TNXB: variants seen among roughly 807,000 people sequenced by gnomAD.
The protein encoded by TNXB is tenascin XB.
In TNXB, 183 loss-of-function variants were observed where a neutral mutation model predicts 340.5. The observed-to-expected ratio is 0.54, with a 90% CI of 0.48 to 0.61. The LOEUF is 0.61. TNXB is among the 20% of genes least tolerant of loss of function. TNXB has a pLI of 0.00. For missense variants in TNXB, 4,613 were observed against 5,446.4 expected (o/e 0.85, Z 4.82); for synonymous variants, 2,121 against 2,314.5 (o/e 0.92, Z 2.40).
intron 29 of TNXB, 109 bp downstream of exon 29, chr6:32,048,254 A>C: frequency 7.9e-7 from 1 of 1,262,268 alleles, no homozygotes; most frequent in South Asian, 1.7e-5. Context: ...GGACCCAATA[A>C]ATCAGTGGGT....
chr6:32,053,255 G>C (rs1331407705), intron 25 of TNXB, 133 bp downstream of exon 25: 1 of 1,395,886 alleles, frequency 7.2e-7, no homozygotes, highest in African/African-American at 1.4e-5. Context: ...CAGTCCTCAG[G>C]GAAGTGGGGA....
Position 32,074,757 on chromosome 6 carries a change from C to G in TNXB, c.4376-805G>C, listed in dbSNP as rs867344549. Among the ~76,000 whole-genome samples the G allele has an allele frequency of 6.6e-6, 1 of 152,004 alleles. No homozygotes were observed. The highest frequency in any genetic ancestry group is 1.9e-4 in the East Asian group (1 of 5,176). On this transcript the variant is annotated intron_variant, in intron 11 of 43. Transcript: ENST00000644971. This position sits in a 1 kb window ranked among gnomAD's most constrained non-coding sequence, Gnocchi z 5.5. Reference sequence around the variant, plus strand: ...GTGCGATGGCGCCCTCTCGGCTCACCGCAACCTACGCCTCCTGGGTTCAAG... The same window carrying G: ...GTGCGATGGCGCCCTCTCGGCTCACGGCAACCTACGCCTCCTGGGTTCAAG...
At position 32,098,018 on chromosome 6, in the gene TNXB, C is replaced by T. The variant is rs747748846; in HGVS notation, c.181G>A (p.Glu61Lys). The T allele has an allele frequency of 1.0e-5, 16 of 1,607,220 alleles. No homozygotes were observed. The highest frequency in any genetic ancestry group is 9.3e-5 in the African/African-American group (7 of 74,920). The change falls in exon 2 of 44, where the codon GAG becomes AAG. Residue 61 changes from glutamate (E) to lysine (K), a missense_variant. Around this residue, in one of 7 missense-constraint regions of TNXB, gnomAD observed 4,327 missense variants for 4,859.4 expected, o/e 0.89. Transcript: ENST00000644971. ...TTCTCCCCTCCTTCCACTGTGTGCT[C>T]GTAAAGCTGAGAAGAGGGGCTTCCC... ...GVGSPSSQLY[E>K]HTVEGGEKQV...
rs748926764 is a variant in TNXB, at chr6:32,095,884, G to A, written c.1969C>T (p.Arg657Trp). 9.9e-6 allele frequency: 16 copies of A among 1,612,488 alleles called. No individual in the cohort carries two copies. Among genetic ancestry groups the A allele is most frequent in the African/African-American group, 4.0e-5 (3 of 74,880 alleles). ...CCTTGCACACACCGCCCACGTCCCC[G>A]GCAGTCAGCCGGGCACATGCGGGTG... Reference protein sequence around the residue: ...CATRMCPADCRGRGRCVQGVC... With the variant: ...CATRMCPADCWGRGRCVQGVC... Residue 657 changes from arginine (R) to tryptophan (W), a missense_variant, in exon 3 of 44, where the codon CGG (arginine) becomes TGG (tryptophan). Physicochemically the swap from Arg to Trp is moderately radical, Grantham distance 101. Transcript: ENST00000644971.
Position 32,047,691 on chromosome 6 carries a change from G to A in TNXB, c.10324+43C>T. 1.9e-6 allele frequency: 3 copies of A among 1,542,532 alleles called. No individual in the cohort carries two copies. The highest frequency in any genetic ancestry group is 2.6e-6 in the Non-Finnish European group (3 of 1,143,718). Reference sequence around the variant, plus strand: ...CAGGGCCAGCTCTGAGGGCTCGGATGAGAGGCAGCTCTGGAAAAGGTGGAG... The same window carrying A: ...CAGGGCCAGCTCTGAGGGCTCGGATAAGAGGCAGCTCTGGAAAAGGTGGAG... On this transcript the variant is annotated intron_variant, in intron 30 of 43. Transcript: ENST00000644971. The surrounding 1 kb of genome is among the most constrained non-coding windows in gnomAD (Gnocchi z 6.2).
chr6:32,081,942 T>C lies in TNXB; in HGVS notation c.3736+94A>G. The C allele has an allele frequency of 7.7e-7, 1 of 1,293,646 alleles. No individual in the cohort carries two copies. Among genetic ancestry groups the C allele is most frequent in the Non-Finnish European group, 1.1e-6 (1 of 942,456 alleles). The allele number at this position is 1,293,646 out of a possible 1,614,324, so 80.1% of individuals were successfully genotyped here. On this transcript the variant is annotated intron_variant, in intron 9 of 43. Coordinates refer to ENST00000644971, the MANE Select transcript of TNXB (RefSeq NM_001365276.2). The surrounding 1 kb of genome is among the most constrained non-coding windows in gnomAD (Gnocchi z 5.1). ...GGGGCCGGGAAGCTGGAGTCAGCTG[T>C]CTTGCTGGGGGACCCCAGCTGGTTT...
chr6:32,082,185 C>T lies in TNXB; in HGVS notation c.3587G>A (p.Arg1196Lys), dbSNP rs764681855. 6.2e-7 allele frequency: 1 copy of T among 1,612,710 alleles called. No homozygotes were observed. The highest frequency in any genetic ancestry group is 1.3e-5 in the African/African-American group (1 of 75,042). ...AGGTACCACCTGGGGCCGTCCATCC[C>T]TGTCCCTGTACTGGACCATGAAGGT... is the stretch of plus-strand genomic sequence containing the variant. The part of the protein sequence containing the change: ...FDTFMVQYRD[R>K]DGRPQVVPVE... The change falls in exon 9 of 44, where the codon AGG becomes AAG. Residue 1196 changes from arginine to lysine, a missense_variant. By Grantham distance (26) the Arg-to-Lys change is conservative (BLOSUM62 2). This residue lies in a region of TNXB where 4,327 missense variants were observed against 4,859.4 expected (regional missense o/e 0.89). Transcript: ENST00000644971. This position sits in a 1 kb window ranked among gnomAD's most constrained non-coding sequence, Gnocchi z 5.0.
intron 3 of TNXB, 153 bp downstream of exon 3, chr6:32,095,458 G>T: frequency 2.1e-6 from 2 of 968,444 alleles, no homozygotes; most frequent in Non-Finnish European, 1.5e-6. Context: ...CCACTGGAAA[G>T]CCCCACCCCT....
In TNXB at chr6:32,087,095, T is replaced by C. The variant is rs900153704; in HGVS notation, c.2780-977A>G. ...TCTTCTAGGGACAATGGACTCGTGC[T>C]TTGTCCTGGGGGCCCCCTGGAGCCC... On this transcript the variant is annotated intron_variant, in intron 6 of 43. Transcript: ENST00000644971. This position sits in a 1 kb window ranked among gnomAD's most constrained non-coding sequence, Gnocchi z 9.0. Among the ~76,000 whole-genome samples the C allele has an allele frequency of 6.6e-6, 1 of 152,198 alleles. No individual in the cohort carries two copies. The highest frequency in any genetic ancestry group is 2.4e-5 in the African/African-American group (1 of 41,444).
Position 32,097,686 on chromosome 6 carries a change from C to G in TNXB, c.403+110G>C, listed in dbSNP as rs932749016. 8 of 1,296,186 alleles carry G rather than the reference C, an allele frequency of 6.2e-6. No individual in the cohort carries two copies. In the Admixed American group the frequency reaches 1.9e-4, roughly 31 times the overall value. The allele number at this position is 1,296,186 out of a possible 1,614,324, so 80.3% of individuals were successfully genotyped here. ...TGTGTTCTGGGCTGCATCCACACCC[C>G]TCATGGTGAGGAAGGAGTGCCTTCT... is the stretch of plus-strand genomic sequence containing the variant. On this transcript the variant is annotated intron_variant, in intron 2 of 43. Coordinates refer to ENST00000644971, the MANE Select transcript of TNXB (RefSeq NM_001365276.2). The surrounding 1 kb of genome is among the most constrained non-coding windows in gnomAD (Gnocchi z 5.9).
At chr6:32,102,778 G>C (rs537808202) in intron 1 of TNXB, among the ~76,000 whole-genome samples, 1 of 152,088 alleles carries the variant, frequency 6.6e-6, no homozygotes, top group Non-Finnish European at 1.5e-5. Context: ...AAATTAGCTG[G>C]GCATGGTGGC....
In TNXB at chr6:32,080,983, C is replaced by T. The variant is rs1779393538; in HGVS notation, c.4042+385G>A. 6.6e-6 allele frequency among the ~76,000 whole-genome samples: 1 copy of T among 152,028 alleles called. No individual in the cohort carries two copies. Among genetic ancestry groups the T allele is most frequent in the East Asian group, 1.9e-4 (1 of 5,192 alleles). ...GGTTGTGGGCAGCAGGTGACAGAAG[C>T]CCAGAAGTGACCATGGCCCAAACCA... On this transcript the variant is annotated intron_variant, in intron 10 of 43. Coordinates refer to ENST00000644971, the MANE Select transcript of TNXB (RefSeq NM_001365276.2). This position sits in a 1 kb window ranked among gnomAD's most constrained non-coding sequence, Gnocchi z 4.3.
At position 32,084,616 on chromosome 6, in the gene TNXB, C is replaced by G; in HGVS notation, c.3242G>C (p.Arg1081Pro). The change falls in exon 8 of 44, where the codon CGC becomes CCC. Residue 1081 changes from arginine (R) to proline (P), a missense_variant. Around this residue, in one of 7 missense-constraint regions of TNXB, gnomAD observed 4,327 missense variants for 4,859.4 expected, o/e 0.89. Coordinates refer to ENST00000644971, the MANE Select transcript of TNXB (RefSeq NM_001365276.2). The surrounding 1 kb of genome is among the most constrained non-coding windows in gnomAD (Gnocchi z 5.5). ...TDRTSDSLLL[R>P]WTVPEGEFDS... ...AAACTCGCCCTCGGGGACCGTCCAG[C>G]GCAGGAGCAAGGAGTCGGAGGTCCT... The G allele has an allele frequency of 6.2e-7, 1 of 1,605,158 alleles. No homozygotes were observed. The highest frequency in any genetic ancestry group is 8.5e-7 in the Non-Finnish European group (1 of 1,176,852).
rs200025506 is a variant in TNXB, at chr6:32,097,007, G to A, written c.846C>T (p.Arg282=). The A allele has an allele frequency of 5.0e-6, 8 of 1,605,420 alleles. No homozygotes were observed. In the Admixed American group the frequency reaches 6.7e-5, roughly 14 times the overall value. ...GDDCGMRSCP[R]GCSQRGRCEN... ...CACAGCGCCCCCTCTGACTGCAACC[G>A]CGAGGGCAGCTCCTCATGCCACAGT... The change falls in exon 3 of 44, where the codon CGC becomes CGT. Residue 282 remains arginine (R), a synonymous_variant. Coordinates refer to ENST00000644971, the MANE Select transcript of TNXB (RefSeq NM_001365276.2). The surrounding 1 kb of genome is among the most constrained non-coding windows in gnomAD (Gnocchi z 5.9).
Position 32,068,179 on chromosome 6 carries a change from C to A in TNXB, c.6221-195G>T, listed in dbSNP as rs961158939. Among the ~76,000 whole-genome samples, 2 of 152,168 alleles carry A rather than the reference C, an allele frequency of 1.3e-5. No homozygotes were observed. Among genetic ancestry groups the A allele is most frequent in the Non-Finnish European group, 2.9e-5 (2 of 68,024 alleles). On this transcript the variant is annotated intron_variant, in intron 17 of 43. Coordinates refer to ENST00000644971, the MANE Select transcript of TNXB (RefSeq NM_001365276.2). This position sits in a 1 kb window ranked among gnomAD's most constrained non-coding sequence, Gnocchi z 5.3. Reference sequence around the variant, plus strand: ...AGCTGTGGGGGACCTGGGACAGCCACCAGCACAGCAAAATTCCCGATGGCC... The same window carrying A: ...AGCTGTGGGGGACCTGGGACAGCCAACAGCACAGCAAAATTCCCGATGGCC...
chr6:32,069,779 CA>C lies in TNXB; in HGVS notation c.5360del (p.Val1787GlyfsTer101). On this transcript the variant is annotated frameshift_variant, in exon 15 of 44. Transcript: ENST00000644971. LOFTEE classifies it high-confidence loss of function. The surrounding 1 kb of genome is among the most constrained non-coding windows in gnomAD (Gnocchi z 6.2). ...RLGEELQVTT[V>X]TQNSVGLSWT... ...AGGAGAGGCCCACGGAGTTCTGGGT[CA>C]CGGTGGTCACCTGCAGCTCCTCCCC... 6.2e-7 allele frequency: 1 copy of C among 1,609,296 alleles called. No homozygotes were observed. Among genetic ancestry groups the C allele is most frequent in the Non-Finnish European group, 8.5e-7 (1 of 1,177,894 alleles).
chr6:32,049,205 CA>C lies in TNXB; in HGVS notation c.9757+64del. ...CCCAGTCAAAAGAGGTGCCAAGATC[CA>C]AAGGAGAAACACAAGGGGGCTGCAG... On this transcript the variant is annotated intron_variant, in intron 28 of 43. Coordinates refer to ENST00000644971, the MANE Select transcript of TNXB (RefSeq NM_001365276.2). The surrounding 1 kb of genome is among the most constrained non-coding windows in gnomAD (Gnocchi z 4.5). 6.5e-7 allele frequency: 1 copy of C among 1,531,542 alleles called. No individual in the cohort carries two copies. The highest frequency in any genetic ancestry group is 8.8e-7 in the Non-Finnish European group (1 of 1,139,536). The allele number at this position is 1,531,542 out of a possible 1,614,324, so 94.9% of individuals were successfully genotyped here.
In TNXB at chr6:32,088,848, C is replaced by T; in HGVS notation, c.2716G>A (p.Val906Met). Residue 906 changes from valine (V) to methionine (M), a missense_variant, in exon 6 of 44, where the codon GTG (valine) becomes ATG (methionine). Val to Met is a conservative substitution (Grantham distance 21, BLOSUM62 1). This residue lies in a region of TNXB where 4,327 missense variants were observed against 4,859.4 expected (regional missense o/e 0.89). Coordinates refer to ENST00000644971, the MANE Select transcript of TNXB (RefSeq NM_001365276.2). ...TDLMPGVEYV[V>M]TVTAERGRAV... ...CGGCCCCGCTCCGCTGTGACAGTCA[C>T]CACATATTCTACGCCTGGCATCAGG... 6.3e-7 allele frequency: 1 copy of T among 1,584,344 alleles called. No homozygotes were observed. The highest frequency in any genetic ancestry group is 8.6e-7 in the Non-Finnish European group (1 of 1,165,578).
intron 1 of TNXB, among the ~76,000 whole-genome samples, chr6:32,104,172 T>C (rs1468558193): frequency 1.3e-5 from 2 of 152,208 alleles, no homozygotes; most frequent in Non-Finnish European, 2.9e-5. Flanking sequence ...CCCAGATGAT[T>C]GTAATGTGCA....
Sources: allele counts gnomAD v4.1 joint callset (sites outside exome capture counted in the v4.1 genomes callset), GRCh38; gene constraint gnomAD v4.1.1; regional missense constraint gnomAD v4.1.1; non-coding constraint Gnocchi (gnomAD v3.1); transcripts MANE v1.5; gene names NCBI Gene and HGNC (gene_info 2026-07-23, HGNC 2026-07-21).